SRPK1: variants seen among roughly 807,000 people sequenced by gnomAD.
SRPK1 encodes SRSF protein kinase 1.
In SRPK1, 52 loss-of-function variants were observed where a neutral mutation model predicts 89.5. The observed-to-expected ratio is 0.58, with a 90% CI of 0.46 to 0.73. The LOEUF (loss-of-function observed/expected upper bound fraction) is 0.73, where lower values mean the gene tolerates loss of function less well. Among genes scored for constraint, SRPK1 ranks in the 30% least tolerant of loss-of-function variants. SRPK1 has a pLI of 0.00. For synonymous variants in SRPK1, 255 were observed against 270.2 expected (o/e 0.94, Z 0.55); for missense variants, 603 against 780.6 (o/e 0.77, Z 2.71).
intron 13 of SRPK1, among the ~76,000 whole-genome samples, chr6:35,856,448 T>C (rs1442199967): frequency 6.6e-6 from 1 of 152,204 alleles, no homozygotes; most frequent in Non-Finnish European, 1.5e-5. Flanking sequence ...ATCCTGAGGC[T>C]TGTGGTTAGT....
At chr6:35,858,359 T>G (rs1040319926) in intron 12 of SRPK1, among the ~76,000 whole-genome samples, 3 of 151,866 alleles carry the variant, frequency 2.0e-5, no homozygotes, top group Non-Finnish European at 4.4e-5. Flanking sequence ...AAAATTAAGA[T>G]GCAAAACCAA....
At chr6:35,837,575 C>T (rs765801504) in intron 15 of SRPK1, among the ~76,000 whole-genome samples, 16 of 149,134 alleles carry the variant, frequency 1.1e-4, no homozygotes, top group South Asian at 6.4e-4. Flanking sequence ...TTTTTTTCCC[C>T]GAGACAGGAT....
chr6:35,900,309 TAA>T (rs1770714143), intron 2 of SRPK1, among the ~76,000 whole-genome samples: 1 of 152,208 alleles, frequency 6.6e-6, no homozygotes, highest in South Asian at 2.1e-4. Context: ...TTCCTGTGGT[TAA>T]TACAGTGCCT....
intron 14 of SRPK1, chr6:35,838,644 A>G: frequency 6.5e-7 from 1 of 1,546,828 alleles, no homozygotes; most frequent in Admixed American, 1.8e-5. Context: ...ATAACTAAAA[A>G]CAATCTTGGT....
intron 13 of SRPK1, among the ~76,000 whole-genome samples, chr6:35,844,955 G>A (rs1041376348): frequency 1.3e-5 from 2 of 152,144 alleles, no homozygotes; most frequent in African/African-American, 4.8e-5. Flanking sequence ...GCTAGAAAAT[G>A]AAATACTCTT....
intron 6 of SRPK1, among the ~76,000 whole-genome samples, chr6:35,880,460 C>T (rs189084683): frequency 5.7e-4 from 86 of 151,940 alleles, no homozygotes; most frequent in Non-Finnish European, 1.2e-3. Context: ...CGGTGGCTCA[C>T]GCCTGTAATC....
rs559811719 is a variant in SRPK1 at position 35,920,603 on chromosome 6, A to G, written c.14-75T>C. On this transcript the variant is annotated intron_variant, in intron 1 of 15. Transcript: ENST00000373825. ...ACCAAGGTGAGGGTGGAGACCCAGCAGGGGCGCCAGGCCCGGCTGCGGGGC... is the reference window on the plus strand; with the variant it reads ...ACCAAGGTGAGGGTGGAGACCCAGCGGGGGCGCCAGGCCCGGCTGCGGGGC... 33 of 1,376,330 alleles carry G rather than the reference A, an allele frequency of 2.4e-5. No homozygotes were observed. In the African/African-American group the frequency reaches 4.6e-4, roughly 19 times the overall value. 85.3% of individuals were successfully genotyped at this position (1,376,330 alleles called of 1,614,324 possible).
At position 35,833,806 on chromosome 6, in the gene SRPK1, T is replaced by G. The variant is rs1012331346; in HGVS notation, c.*1498A>C. On this transcript the variant is annotated 3_prime_UTR_variant, in exon 16 of 16. Transcript: ENST00000373825. Reference sequence around the variant, plus strand: ...TTACCCAATAGCCTCACTGGTGGCTTGCTAGCAGAGCCTCAAGTTGCACCT... The same window carrying G: ...TTACCCAATAGCCTCACTGGTGGCTGGCTAGCAGAGCCTCAAGTTGCACCT... 3 of 152,444 alleles carry G rather than the reference T, an allele frequency of 2.0e-5. No homozygotes were observed. Among genetic ancestry groups the G allele is most frequent in the African/African-American group, 7.2e-5 (3 of 41,448 alleles). 9.4% of individuals were successfully genotyped at this position (152,444 alleles called of 1,614,324 possible). A position where few individuals can be genotyped will look rare whatever the true frequency, so the allele number is the denominator to read the frequency against.
At chr6:35,907,919 C>A (rs1217999374) in intron 2 of SRPK1, among the ~76,000 whole-genome samples, 1 of 152,156 alleles carries the variant, frequency 6.6e-6, no homozygotes, top group South Asian at 2.1e-4. Context: ...TGAGTTCTCA[C>A]GAGAGCTGAT....
chr6:35,910,995 T>C (rs898172206), intron 2 of SRPK1, among the ~76,000 whole-genome samples: 1 of 152,234 alleles, frequency 6.6e-6, no homozygotes, highest in Non-Finnish European at 1.5e-5. Flanking sequence ...AAGAGATTAA[T>C]GTTGTTTCCA....
chr6:35,847,187 C>T (rs1322753308), intron 13 of SRPK1, among the ~76,000 whole-genome samples: 1 of 152,186 alleles, frequency 6.6e-6, no homozygotes, highest in Non-Finnish European at 1.5e-5. Flanking sequence ...GAAAGAAGTA[C>T]AAATGTCAGT....
At chr6:35,840,515 A>C (rs1317799273) in intron 14 of SRPK1, among the ~76,000 whole-genome samples, 1 of 152,236 alleles carries the variant, frequency 6.6e-6, no homozygotes, top group Non-Finnish European at 1.5e-5. Context: ...TTAGAAACTT[A>C]AGTAAACTTC....
At chr6:35,876,350 T>C (rs187207650) in intron 6 of SRPK1, among the ~76,000 whole-genome samples, 263 of 152,266 alleles carry the variant, frequency 1.7e-3, no homozygotes, top group Middle Eastern at 0.017. Context: ...ATAAAACCTA[T>C]GACAGGTCGG....
intron 1 of SRPK1, chr6:35,920,783 C>G (rs1771219800): frequency 2.6e-6 from 1 of 390,072 alleles, no homozygotes; most frequent in East Asian, 4.1e-5. Flanking sequence ...CCGCCAAGGG[C>G]CGGGCCCTGG....
intron 12 of SRPK1, among the ~76,000 whole-genome samples, chr6:35,863,043 CAGG>C (rs1180870544): frequency 1.3e-5 from 2 of 152,058 alleles, no homozygotes; most frequent in Admixed American, 6.6e-5. Context: ...CCCAGCTACT[CAGG>C]AGGCTGAGCC....
rs1749611690 is a variant in SRPK1, at chr6:35,920,530, T to A, written c.14-2A>T. 1 of 1,612,752 alleles carries A rather than the reference T, an allele frequency of 6.2e-7. No individual in the cohort carries two copies. The highest frequency in any genetic ancestry group is 1.3e-5 in the African/African-American group (1 of 74,854). ...TCTTTCGGGCCTGGAGCGCAAGCAC[T>A]GCAGGAGAGAGGGATGGATGAAGGG... On this transcript the variant is annotated splice_acceptor_variant, in intron 1 of 15. Transcript: ENST00000373825. LOFTEE classifies it high-confidence loss of function.
intron 2 of SRPK1, among the ~76,000 whole-genome samples, chr6:35,912,890 C>T (rs1771001689): frequency 6.6e-6 from 1 of 152,152 alleles, no homozygotes. Flanking sequence ...CTCAAGAGAT[C>T]CTCTCACCTC....
At chr6:35,877,925 A>G (rs1284201137) in intron 6 of SRPK1, among the ~76,000 whole-genome samples, 1 of 152,184 alleles carries the variant, frequency 6.6e-6, no homozygotes, top group African/African-American at 2.4e-5. Flanking sequence ...GATGGAACAA[A>G]TGGCAGATTA....
At chr6:35,855,896 G>T (rs929296878) in intron 13 of SRPK1, among the ~76,000 whole-genome samples, 1 of 152,152 alleles carries the variant, frequency 6.6e-6, no homozygotes, top group African/African-American at 2.4e-5. Context: ...CACCACGTCT[G>T]GCTAATTTTT....
Sources: allele counts gnomAD v4.1 joint callset (sites outside exome capture counted in the v4.1 genomes callset), GRCh38; gene constraint gnomAD v4.1.1; transcripts MANE v1.5; gene names NCBI Gene and HGNC (gene_info 2026-07-23, HGNC 2026-07-21).